The following MEIOB variants were observed in gnomAD, a reference collection of about 807,000 sequenced individuals.
MEIOB encodes the protein meiosis-specific with OB domain-containing protein.
In MEIOB, 50 loss-of-function variants were observed where a neutral mutation model predicts 53.1. The ratio of observed to expected loss-of-function variants is 0.94; its 90% CI spans 0.75 to 1.19. The LOEUF is 1.19. MEIOB is among the 50% of genes most tolerant of loss of function. The pLI, the probability that MEIOB is intolerant of heterozygous loss-of-function variation, is 0.00. For synonymous variants in MEIOB, 192 were observed against 182.5 expected (o/e 1.05, Z -0.42); for missense variants, 551 against 550.8 (o/e 1.00, Z 0.00).
intron 13 of MEIOB, among the ~76,000 whole-genome samples, chr16:1,836,964 C>T (rs184825289): frequency 6.6e-6 from 1 of 152,118 alleles, no homozygotes; most frequent in South Asian, 2.1e-4. Flanking sequence ...AGTTGAGAAC[C>T]ATGAAGTGAA....
At chr16:1,841,540 G>C (rs1194284404) in intron 11 of MEIOB, among the ~76,000 whole-genome samples, 2 of 152,012 alleles carry the variant, frequency 1.3e-5, no homozygotes, top group South Asian at 2.1e-4. Flanking sequence ...AACCAAAATA[G>C]CTTTCTGCCA....
At chr16:1,838,882 G>A (rs1029245965) in intron 12 of MEIOB, among the ~76,000 whole-genome samples, 2 of 152,182 alleles carry the variant, frequency 1.3e-5, no homozygotes, top group East Asian at 3.9e-4. Flanking sequence ...AGTAGAAATG[G>A]GGTTTCGCCA....
At chr16:1,847,393 C>T (rs1044006209) in intron 9 of MEIOB, among the ~76,000 whole-genome samples, 3 of 151,800 alleles carry the variant, frequency 2.0e-5, no homozygotes, top group South Asian at 2.1e-4. Context: ...ACCCTGGAGG[C>T]GGAGGTTGCA....
intron 1 of MEIOB, among the ~76,000 whole-genome samples, chr16:1,871,058 G>A (rs892017014): frequency 2.0e-5 from 3 of 151,858 alleles, no homozygotes; most frequent in Admixed American, 6.6e-5. Flanking sequence ...TACCGTTAGA[G>A]GTATATGGTA....
chr16:1,849,545 C>A (rs866453743), intron 9 of MEIOB, among the ~76,000 whole-genome samples: 249 of 79,168 alleles, frequency 3.1e-3, no homozygotes, highest in Middle Eastern at 0.012. Context: ...GACTCCGTCT[C>A]AAAAAAAAAA....
chr16:1,860,622 C>G, intron 4 of MEIOB, 147 bp from the exon 5 acceptor site: 1 of 595,172 alleles, frequency 1.7e-6, no homozygotes, highest in South Asian at 2.1e-5. Flanking sequence ...CCATCATCAA[C>G]ATATAACATA....
At chr16:1,840,297 A>G (rs149606419) in intron 11 of MEIOB, 1 of 152,306 alleles carries the variant, frequency 6.6e-6, no homozygotes, top group African/African-American at 2.4e-5. Flanking sequence ...CAACTTTAAT[A>G]CCACATCATA....
At chr16:1,842,454 A>T (rs1186414628) in intron 10 of MEIOB, among the ~76,000 whole-genome samples, 1 of 46,048 alleles carries the variant, frequency 2.2e-5, no homozygotes, top group Admixed American at 2.1e-4. Context: ...GTCTCTACTT[A>T]AAAAAAAAAA....
At chr16:1,841,741 C>T in intron 11 of MEIOB, 79 bp downstream of exon 11, 1 of 1,145,842 alleles carries the variant, frequency 8.7e-7, no homozygotes, top group Non-Finnish European at 1.2e-6. Context: ...ACAGCTTTAA[C>T]TTTTAGAGAG....
intron 4 of MEIOB, among the ~76,000 whole-genome samples, chr16:1,860,972 G>T (rs949954740): frequency 6.6e-6 from 1 of 151,910 alleles, no homozygotes; most frequent in African/African-American, 2.4e-5. Flanking sequence ...ATGCTTTCTT[G>T]TTCCTTTTAT....
rs1596965051 is a variant in MEIOB at position 1,840,723 on chromosome 16, G to A, written c.1034+1097C>T. ...ACCACCATGCCCGGCTAATTTTTTTGTATTTTTTAGTAGAGACAGGGTTTC... is the reference window on the plus strand; with the variant it reads ...ACCACCATGCCCGGCTAATTTTTTTATATTTTTTAGTAGAGACAGGGTTTC... On this transcript the variant is annotated intron_variant, in intron 11 of 13. Transcript: ENST00000325962. Among the ~76,000 whole-genome samples the A allele has an allele frequency of 2.6e-5, 4 of 151,830 alleles. No homozygotes were observed. In the South Asian group the frequency reaches 8.3e-4, roughly 32 times the overall value.
chr16:1,858,597 CA>C (rs1325591449), intron 5 of MEIOB, among the ~76,000 whole-genome samples: 1 of 152,158 alleles, frequency 6.6e-6, no homozygotes, highest in African/African-American at 2.4e-5. Context: ...TCCTAAACCA[CA>C]AATATGAAAA....
chr16:1,838,176 G>T (rs67309640), intron 12 of MEIOB: 83,445 of 483,800 alleles, frequency 0.17, 7,561 homozygotes, highest in East Asian at 0.2. Context: ...TATGTTTTAT[G>T]TTTTGTAGAG....
At chr16:1,844,122 C>CTTTTTTTTTTTTTTTTTTTTTTTTT (rs755682782) in intron 10 of MEIOB, among the ~76,000 whole-genome samples, 1 of 129,434 alleles carries the variant, frequency 7.7e-6, no homozygotes, top group Non-Finnish European at 1.6e-5. Context: ...TATTATGTTT[C>CTTTTTTTTTTTTTTTTTTTTTTTTT]TTTTTTTTTT....
intron 9 of MEIOB, among the ~76,000 whole-genome samples, chr16:1,849,346 C>A (rs1452687127): frequency 6.6e-6 from 1 of 151,998 alleles, no homozygotes; most frequent in Admixed American, 6.6e-5. Flanking sequence ...AGATCAAGAC[C>A]ATCCTGGCTA....
rs188644725 is a variant in MEIOB at position 1,848,694 on chromosome 16, C to T, written c.779-3731G>A. Among the ~76,000 whole-genome samples the T allele has an allele frequency of 1.1e-3, 171 of 152,122 alleles. 2 individuals carry two copies. Among genetic ancestry groups the T allele is most frequent in the Admixed American group, 0.011 (167 of 15,266 alleles). ...AGTAGCTGGGACTATAGGCACCATA[C>T]CACCACGCCCGGCTAATTTTTGTAT... On this transcript the variant is annotated intron_variant, in intron 9 of 13. Coordinates refer to ENST00000325962, the MANE Select transcript of MEIOB (RefSeq NM_001163560.3).
At chr16:1,856,322 ATT>A (rs35565179) in intron 6 of MEIOB, among the ~76,000 whole-genome samples, 7 of 147,266 alleles carry the variant, frequency 4.8e-5, no homozygotes, top group African/African-American at 1.0e-4. Context: ...TGCCCAGCTA[ATT>A]TTTTTTTTTT....
chr16:1,852,582 T>A (rs1347995230), intron 9 of MEIOB, among the ~76,000 whole-genome samples: 2 of 145,472 alleles, frequency 1.4e-5, no homozygotes, highest in African/African-American at 5.2e-5. Flanking sequence ...TAAGACGGGG[T>A]CTTGCTCTTG....
intron 3 of MEIOB, among the ~76,000 whole-genome samples, chr16:1,862,724 T>C (rs1657128): frequency 0.87 from 131,886 of 151,786 alleles, 57,719 homozygotes; most frequent in African/African-American, 0.97. Context: ...TCAAGACCAG[T>C]CTGGCCAACA....
Sources: gnomAD v4.1 joint callset for allele counts (sites outside exome capture counted in the v4.1 genomes callset) on GRCh38, gnomAD v4.1.1 for gene constraint, MANE v1.5 for transcripts, NCBI Gene and HGNC (gene_info 2026-07-23, HGNC 2026-07-21) for gene names.